KIAA1958: variants seen among roughly 807,000 people sequenced by gnomAD.
KIAA1958 encodes the protein KIAA1958, also known as uncharacterized protein KIAA1958.
In KIAA1958, 14 loss-of-function variants were observed where a neutral mutation model predicts 47.2. The observed-to-expected ratio is 0.30, with a 90% CI of 0.20 to 0.46. The LOEUF (loss-of-function observed/expected upper bound fraction) is 0.46, where lower values mean the gene tolerates loss of function less well. KIAA1958 is among the 20% of genes least tolerant of loss of function. The probability of loss-of-function intolerance (pLI) is 1.00; values close to 1 mark genes in which losing one functional copy is unlikely to be tolerated. For missense variants in KIAA1958, 803 were observed against 909.2 expected (o/e 0.88, Z 1.50); for synonymous variants, 354 against 353.3 (o/e 1.00, Z -0.02).
intron 2 of KIAA1958, chr9:112,617,722 G>A: frequency 3.1e-6 from 2 of 645,688 alleles, no homozygotes. Flanking sequence ...AATGTGACAG[G>A]TATGTAAATA....
intron 3 of KIAA1958, among the ~76,000 whole-genome samples, chr9:112,646,191 A>T (rs786994): frequency 0.57 from 87,095 of 151,770 alleles, 25,822 homozygotes; most frequent in Non-Finnish European, 0.65. Context: ...GGGGAGACAG[A>T]CTCACTTGAC....
At chr9:112,523,837 G>C (rs1316741251) in intron 1 of KIAA1958, among the ~76,000 whole-genome samples, 4 of 152,184 alleles carry the variant, frequency 2.6e-5, no homozygotes, top group African/African-American at 9.7e-5. Flanking sequence ...AGACTGCATT[G>C]TGGAGATTTT....
intron 2 of KIAA1958, among the ~76,000 whole-genome samples, chr9:112,636,345 A>C (rs1173751458): frequency 6.6e-6 from 1 of 151,974 alleles, no homozygotes; most frequent in East Asian, 1.9e-4. Context: ...ACTTGAAGAA[A>C]TGTGTATTCT....
At chr9:112,557,381 C>T (rs1350003649) in intron 1 of KIAA1958, among the ~76,000 whole-genome samples, 1 of 152,180 alleles carries the variant, frequency 6.6e-6, no homozygotes, top group Non-Finnish European at 1.5e-5. Flanking sequence ...TCACAGAGCA[C>T]AAAGATGCCT....
chr9:112,502,582 A>G (rs532624345), intron 1 of KIAA1958, among the ~76,000 whole-genome samples: 4 of 152,348 alleles, frequency 2.6e-5, no homozygotes, highest in South Asian at 2.1e-4. Flanking sequence ...CAATGTGTCA[A>G]TATATTAAGA....
At chr9:112,634,259 G>C (rs1326335675) in intron 2 of KIAA1958, among the ~76,000 whole-genome samples, 1 of 152,030 alleles carries the variant, frequency 6.6e-6, no homozygotes, top group Non-Finnish European at 1.5e-5. Context: ...ATGGAGTTTT[G>C]CTCTTGTTGC....
At chr9:112,527,443 A>G (rs1400563930) in intron 1 of KIAA1958, among the ~76,000 whole-genome samples, 2 of 152,240 alleles carry the variant, frequency 1.3e-5, no homozygotes, top group East Asian at 1.9e-4. Context: ...AAAGTAACAC[A>G]GGATGAAGTT....
intron 2 of KIAA1958, among the ~76,000 whole-genome samples, chr9:112,593,226 T>C (rs990185699): frequency 3.9e-5 from 6 of 152,214 alleles, no homozygotes; most frequent in Non-Finnish European, 8.8e-5. Flanking sequence ...CACCACTCAA[T>C]GTTATTGTCA....
intron 1 of KIAA1958, among the ~76,000 whole-genome samples, chr9:112,564,544 A>G (rs1163306812): frequency 6.6e-6 from 1 of 152,238 alleles, no homozygotes; most frequent in Non-Finnish European, 1.5e-5. Flanking sequence ...AAAAAGTGAC[A>G]TAATCCTTTC....
intron 2 of KIAA1958, among the ~76,000 whole-genome samples, chr9:112,643,233 G>A (rs1044812909): frequency 4.6e-5 from 7 of 152,100 alleles, no homozygotes; most frequent in Admixed American, 6.5e-5. Flanking sequence ...TCAGAGACCC[G>A]GGTTCAAATC....
At chr9:112,520,989 T>C (rs541815506) in intron 1 of KIAA1958, among the ~76,000 whole-genome samples, 2 of 152,350 alleles carry the variant, frequency 1.3e-5, no homozygotes, top group Admixed American at 1.3e-4. Flanking sequence ...GTTTTCTATT[T>C]CTTTAATTTC....
intron 1 of KIAA1958, among the ~76,000 whole-genome samples, chr9:112,497,358 T>A (rs1328148503): frequency 1.3e-5 from 2 of 151,998 alleles, no homozygotes; most frequent in Non-Finnish European, 2.9e-5. Flanking sequence ...AGAGGAAATG[T>A]GGACACAAAA....
chr9:112,564,246 A>G (rs1486012573), intron 1 of KIAA1958, among the ~76,000 whole-genome samples: 1 of 152,228 alleles, frequency 6.6e-6, no homozygotes, highest in East Asian at 1.9e-4. Context: ...AGAATTTACC[A>G]GTGAAACCAC....
intron 1 of KIAA1958, among the ~76,000 whole-genome samples, chr9:112,554,652 A>G (rs1387350362): frequency 2.0e-5 from 3 of 152,172 alleles, no homozygotes; most frequent in Non-Finnish European, 2.9e-5. Context: ...AGATAAAAAC[A>G]CAGATTCCCA....
chr9:112,635,796 G>C (rs1836795843), intron 2 of KIAA1958, among the ~76,000 whole-genome samples: 1 of 151,816 alleles, frequency 6.6e-6, no homozygotes, highest in Admixed American at 6.6e-5. Context: ...TAGTTTATTA[G>C]TCTTTTCAAA....
At position 112,618,391 on chromosome 9, in the gene KIAA1958, C is replaced by G; in HGVS notation, c.1172-27259C>G. 6.4e-7 allele frequency: 1 copy of G among 1,551,262 alleles called. No homozygotes were observed. Among genetic ancestry groups the G allele is most frequent in the Non-Finnish European group, 8.7e-7 (1 of 1,147,130 alleles). On this transcript the variant is annotated intron_variant, in intron 2 of 3. Transcript: ENST00000337530. This position sits in a 1 kb window ranked among gnomAD's most constrained non-coding sequence, Gnocchi z 7.1. ...ATTGCACAGGCTTCCATGGATCTACCTTAAAATGGGGTGATATCCGGCTCC... is the reference window on the plus strand; with the variant it reads ...ATTGCACAGGCTTCCATGGATCTACGTTAAAATGGGGTGATATCCGGCTCC...
At chr9:112,658,994 T>G (rs192861278) in intron 3 of KIAA1958, among the ~76,000 whole-genome samples, 1 of 117,234 alleles carries the variant, frequency 8.5e-6, no homozygotes, top group South Asian at 2.7e-4. Context: ...CACTCCAGCC[T>G]GGGCGACAGA....
chr9:112,567,959 C>CAAAAAAAAAAAAAAAAAAAA (rs35931681), intron 1 of KIAA1958, among the ~76,000 whole-genome samples: 1 of 66,180 alleles, frequency 1.5e-5, no homozygotes, highest in Non-Finnish European at 2.7e-5. Flanking sequence ...GAATCCATCT[C>CAAAAAAAAAAAAAAAAAAAA]AAAAAAAAAA....
chr9:112,549,383 C>T (rs1417945010), intron 1 of KIAA1958, among the ~76,000 whole-genome samples: 1 of 152,184 alleles, frequency 6.6e-6, no homozygotes, highest in East Asian at 1.9e-4. Context: ...TGCTACTTCC[C>T]TTAGCCTATT....
Sources: allele counts gnomAD v4.1 joint callset (sites outside exome capture counted in the v4.1 genomes callset), GRCh38; gene constraint gnomAD v4.1.1; non-coding constraint Gnocchi (gnomAD v3.1); transcripts MANE v1.5; gene names NCBI Gene and HGNC (gene_info 2026-07-23, HGNC 2026-07-21).